CUL5: variants seen among roughly 807,000 people sequenced by gnomAD.
CUL5 encodes the protein cullin-5.
CUL5 carries 26 observed loss-of-function variants against 108.8 expected under a neutral mutation model. That is an observed-to-expected ratio of 0.24 (90% CI 0.18 to 0.33). The LOEUF (loss-of-function observed/expected upper bound fraction) is 0.33, where lower values mean the gene tolerates loss of function less well. Ranked by LOEUF, CUL5 falls within the 10% of genes least tolerant of loss-of-function variation. CUL5 has a pLI of 1.00. For missense variants in CUL5, 524 were observed against 909.2 expected (o/e 0.58, Z 5.45); for synonymous variants, 334 against 298.0 (o/e 1.12, Z -1.25).
chr11:108,107,678 A>G lies in CUL5; in HGVS notation c.*3294A>G, dbSNP rs1278824721. 1 of 152,648 alleles carries G rather than the reference A, an allele frequency of 6.6e-6. No individual in the cohort carries two copies. Among genetic ancestry groups the G allele is most frequent in the Non-Finnish European group, 1.5e-5 (1 of 68,036 alleles). The allele number at this position is 152,648 out of a possible 1,614,324, so 9.5% of individuals were successfully genotyped here. On this transcript the variant is annotated 3_prime_UTR_variant, in exon 19 of 19. Coordinates refer to ENST00000393094, the MANE Select transcript of CUL5 (RefSeq NM_003478.6). ...GTTTCTGTATGCAGTAGGCTGAAATATTTTGATGAACTGCTTAATTTTTGG... is the reference window on the plus strand; with the variant it reads ...GTTTCTGTATGCAGTAGGCTGAAATGTTTTGATGAACTGCTTAATTTTTGG...
At position 108,055,618 on chromosome 11, in the gene CUL5, T is replaced by C. The variant is rs73557106; in HGVS notation, c.780+663T>C. Among the ~76,000 whole-genome samples the C allele has an allele frequency of 1.3e-5, 2 of 150,576 alleles. 1 individual carries two copies. Among genetic ancestry groups the C allele is most frequent in the African/African-American group, 4.9e-5 (2 of 40,952 alleles). Reference sequence around the variant, plus strand: ...CGTCACCCTGCCTGACTAATAAATATATATATATATATACTTTATCTTTTT... The same window carrying C: ...CGTCACCCTGCCTGACTAATAAATACATATATATATATACTTTATCTTTTT... On this transcript the variant is annotated intron_variant, in intron 7 of 18. Coordinates refer to ENST00000393094, the MANE Select transcript of CUL5 (RefSeq NM_003478.6).
At chr11:108,069,222 A>G (rs1019091411) in intron 7 of CUL5, among the ~76,000 whole-genome samples, 4 of 152,296 alleles carry the variant, frequency 2.6e-5, no homozygotes, top group Middle Eastern at 3.4e-3. Context: ...GTAGCTATGT[A>G]GTAATGCCAC....
intron 11 of CUL5, among the ~76,000 whole-genome samples, chr11:108,083,123 G>A (rs149013701): frequency 0.012 from 1,782 of 152,202 alleles, 15 homozygotes; most frequent in Non-Finnish European, 0.018. Flanking sequence ...TGACCGGAAC[G>A]TCTACTACAG....
chr11:108,048,645 CACCTTTTTTTTTTTTTTTTTTTTT>C (rs1863126236), intron 3 of CUL5, among the ~76,000 whole-genome samples: 1 of 113,112 alleles, frequency 8.8e-6, no homozygotes, highest in South Asian at 2.8e-4. Context: ...TAGACTCCAC[CACCTTTTTTTTTTTTTTTTTTTTT>C]TTTTTTTTTT....
intron 7 of CUL5, among the ~76,000 whole-genome samples, chr11:108,057,757 A>G (rs1208919384): frequency 2.0e-5 from 3 of 152,164 alleles, no homozygotes; most frequent in Non-Finnish European, 4.4e-5. Context: ...AAACTGGTGA[A>G]ATGAATAAGA....
intron 7 of CUL5, among the ~76,000 whole-genome samples, chr11:108,058,852 G>A (rs1239862707): frequency 6.6e-6 from 1 of 152,070 alleles, no homozygotes; most frequent in Non-Finnish European, 1.5e-5. Flanking sequence ...ATTATCACTC[G>A]CTGGGCCTAT....
At chr11:108,025,974 A>C (rs1234365791) in intron 1 of CUL5, among the ~76,000 whole-genome samples, 9 of 152,088 alleles carry the variant, frequency 5.9e-5, no homozygotes. Flanking sequence ...GCTGTCCTGC[A>C]CTGCTTTTGG....
intron 10 of CUL5, among the ~76,000 whole-genome samples, chr11:108,076,511 G>C (rs1442348628): frequency 6.6e-6 from 1 of 151,450 alleles, no homozygotes; most frequent in Non-Finnish European, 1.5e-5. Context: ...TTTTTTTTAG[G>C]TTCTACCTAT....
chr11:108,009,434 A>G (rs1862003253), intron 1 of CUL5, 62 bp downstream of exon 1: 17 of 1,576,192 alleles, frequency 1.1e-5, no homozygotes, highest in African/African-American at 5.4e-5. Context: ...TCTTTGGGAA[A>G]GGCACGGCTC....
rs1031326104 is a variant in CUL5 at position 108,106,810 on chromosome 11, T to A, written c.*2426T>A. ...AGCAGGGATATAACCTGCAGTTAAG[T>A]GAAAAGAAAATCCAGCCTCCCCCTC... On this transcript the variant is annotated 3_prime_UTR_variant, in exon 19 of 19. Transcript: ENST00000393094. 3.7e-5 allele frequency: 5 copies of A among 136,220 alleles called. No individual in the cohort carries two copies. The South Asian group carries it at 1.2e-3, about 32-fold the overall frequency. The allele number at this position is 136,220 out of a possible 1,614,324, so 8.4% of individuals were successfully genotyped here. A position where few individuals can be genotyped will look rare whatever the true frequency, so the allele number is the denominator to read the frequency against.
chr11:108,014,070 A>C (rs992660090), intron 1 of CUL5, among the ~76,000 whole-genome samples: 1 of 152,212 alleles, frequency 6.6e-6, no homozygotes, highest in Admixed American at 6.5e-5. Context: ...TGATAAGGCA[A>C]AAGTTTCAGA....
At chr11:108,080,218 T>G (rs930650070) in intron 11 of CUL5, among the ~76,000 whole-genome samples, 2 of 151,634 alleles carry the variant, frequency 1.3e-5, no homozygotes, top group Non-Finnish European at 2.9e-5. Flanking sequence ...TGGTTCAGCC[T>G]CCTGAGTAGC....
In CUL5 at chr11:108,080,887, C is replaced by G. The variant is rs865922008; in HGVS notation, c.1178+2647C>G. ...TTTAATTTTGATTAAGTTCAGTTTA[C>G]CTATTTTTTTCTTTTGTTGCTTTTG... On this transcript the variant is annotated intron_variant, in intron 11 of 18. Coordinates refer to ENST00000393094, the MANE Select transcript of CUL5 (RefSeq NM_003478.6). Among the ~76,000 whole-genome samples the G allele has an allele frequency of 1.1e-4, 16 of 151,998 alleles. No homozygotes were observed. The South Asian group carries it at 1.7e-3, about 16-fold the overall frequency.
intron 7 of CUL5, among the ~76,000 whole-genome samples, chr11:108,061,488 T>G (rs1032310152): frequency 6.6e-6 from 1 of 152,194 alleles, no homozygotes; most frequent in Non-Finnish European, 1.5e-5. Flanking sequence ...AATGAAAGTT[T>G]TAAAATATTT....
At position 108,037,060 on chromosome 11, in the gene CUL5, G is replaced by T. The variant is rs1187233215; in HGVS notation, c.134+3149G>T. Among the ~76,000 whole-genome samples, 3 of 151,552 alleles carry T rather than the reference G, an allele frequency of 2.0e-5. No homozygotes were observed. The East Asian group carries it at 5.8e-4, about 29-fold the overall frequency. On this transcript the variant is annotated intron_variant, in intron 2 of 18. Coordinates refer to ENST00000393094, the MANE Select transcript of CUL5 (RefSeq NM_003478.6). ...GAGCATACAAACTTTTAACATTTTT[G>T]GTCCACCCAAAACTCACCTTTGGGA... is the stretch of plus-strand genomic sequence containing the variant.
rs1864829689 is a variant in CUL5, at chr11:108,107,473, G to A, written c.*3089G>A. ...GTCTTATGAATTCTTCCAAGGTCATGTTTGTGAAATAAACATTACATGAGA... is the reference window on the plus strand; with the variant it reads ...GTCTTATGAATTCTTCCAAGGTCATATTTGTGAAATAAACATTACATGAGA... On this transcript the variant is annotated 3_prime_UTR_variant, in exon 19 of 19. Transcript: ENST00000393094. The A allele has an allele frequency of 6.6e-6, 1 of 152,572 alleles. No individual in the cohort carries two copies. The highest frequency in any genetic ancestry group is 6.5e-5 in the Admixed American group (1 of 15,284). 9.5% of individuals were successfully genotyped at this position (152,572 alleles called of 1,614,324 possible). A position where few individuals can be genotyped will look rare whatever the true frequency, so the allele number is the denominator to read the frequency against.
chr11:108,046,670 A>C (rs1464769936), intron 3 of CUL5, among the ~76,000 whole-genome samples: 1 of 152,180 alleles, frequency 6.6e-6, no homozygotes, highest in Non-Finnish European at 1.5e-5. Context: ...ACATCAGTCC[A>C]CACAGATCTT....
At chr11:108,013,885 T>C (rs1375164905) in intron 1 of CUL5, among the ~76,000 whole-genome samples, 3 of 152,082 alleles carry the variant, frequency 2.0e-5, no homozygotes, top group African/African-American at 7.2e-5. Flanking sequence ...CAAGACCCTG[T>C]CTCTATAAAA....
chr11:108,088,452 A>T, intron 11 of CUL5, 75 bp from the exon 12 acceptor site: 1 of 1,429,976 alleles, frequency 7.0e-7, no homozygotes, highest in Middle Eastern at 2.0e-4. Context: ...TTCGCTTGTG[A>T]ATCATTGACT....
Sources: allele counts gnomAD v4.1 joint callset (sites outside exome capture counted in the v4.1 genomes callset), GRCh38; gene constraint gnomAD v4.1.1; transcripts MANE v1.5; gene names NCBI Gene and HGNC (gene_info 2026-07-23, HGNC 2026-07-21).